The following NR2C1 variants were observed in gnomAD, a reference collection of about 807,000 sequenced individuals.
The protein encoded by NR2C1 is nuclear receptor subfamily 2 group C member 1.
NR2C1 carries 33 observed loss-of-function variants against 74.8 expected under a neutral mutation model. The observed-to-expected ratio is 0.44, with a 90% CI of 0.33 to 0.59. NR2C1 has a LOEUF of 0.59. Among genes scored for constraint, NR2C1 ranks in the 20% least tolerant of loss-of-function variants. The pLI is 0.02. For synonymous variants in NR2C1, 225 were observed against 240.6 expected (o/e 0.94, Z 0.60); for missense variants, 568 against 715.6 (o/e 0.79, Z 2.35).
intron 11 of NR2C1, among the ~76,000 whole-genome samples, chr12:95,029,069 G>C (rs528579529): frequency 6.6e-5 from 10 of 152,180 alleles, no homozygotes; most frequent in Middle Eastern, 3.4e-3. Flanking sequence ...TATAAAAATC[G>C]TAAGTAGAAA....
intron 1 of NR2C1, 59 bp from the exon 2 acceptor site, chr12:95,067,450 T>A (rs1460547646): frequency 1.6e-6 from 2 of 1,217,040 alleles, no homozygotes; most frequent in African/African-American, 3.0e-5. Context: ...TATTAAATAA[T>A]TTACAAATAA....
chr12:95,022,107 C>T lies in NR2C1; in HGVS notation c.*122G>A. Reference sequence around the variant, plus strand: ...CTTAAGGGAAGCTAAAATAAAAATACCTTGGATTCTGGTTACTTTTTAAAG... The same window carrying T: ...CTTAAGGGAAGCTAAAATAAAAATATCTTGGATTCTGGTTACTTTTTAAAG... On this transcript the variant is annotated 3_prime_UTR_variant, in exon 14 of 14. Coordinates refer to ENST00000333003, the MANE Select transcript of NR2C1 (RefSeq NM_003297.4). 1.4e-6 allele frequency: 1 copy of T among 694,042 alleles called. No homozygotes were observed. Among genetic ancestry groups the T allele is most frequent in the Middle Eastern group, 3.2e-4 (1 of 3,152 alleles). The allele number at this position is 694,042 out of a possible 1,614,324, so 43.0% of individuals were successfully genotyped here. A position where few individuals can be genotyped will look rare whatever the true frequency, so the allele number is the denominator to read the frequency against.
chr12:95,036,254 C>T (rs1340270834), intron 10 of NR2C1, among the ~76,000 whole-genome samples: 1 of 124,376 alleles, frequency 8.0e-6, no homozygotes, highest in African/African-American at 3.1e-5. Context: ...ATCTAAAAAG[C>T]AACACGAATG....
intron 5 of NR2C1, 27 bp downstream of exon 5, chr12:95,058,283 A>G: frequency 1.3e-6 from 2 of 1,566,510 alleles, no homozygotes; most frequent in African/African-American, 2.8e-5. Flanking sequence ...TTTAAAAAGT[A>G]TTTTCTCCTT....
chr12:95,058,093 A>G lies in NR2C1; in HGVS notation c.545-215T>C, dbSNP rs554668903. The G allele has an allele frequency of 4.5e-6, 3 of 664,956 alleles. No individual in the cohort carries two copies. The South Asian group carries it at 7.1e-5, about 16-fold the overall frequency. The allele number at this position is 664,956 out of a possible 1,614,324, so 41.2% of individuals were successfully genotyped here. A position where few individuals can be genotyped will look rare whatever the true frequency, so the allele number is the denominator to read the frequency against. Reference sequence around the variant, plus strand: ...ATTTGCATCTCTCATTCTTTTTGCCAAACACAAACTACAAATACGTGCTTT... The same window carrying G: ...ATTTGCATCTCTCATTCTTTTTGCCGAACACAAACTACAAATACGTGCTTT... On this transcript the variant is annotated intron_variant, in intron 5 of 13. Coordinates refer to ENST00000333003, the MANE Select transcript of NR2C1 (RefSeq NM_003297.4).
At chr12:95,066,350 A>G (rs1270145297) in intron 2 of NR2C1, among the ~76,000 whole-genome samples, 1 of 152,180 alleles carries the variant, frequency 6.6e-6, no homozygotes, top group Non-Finnish European at 1.5e-5. Flanking sequence ...AAATATATAA[A>G]ACATCAGCCA....
chr12:95,070,028 T>C (rs894226924), intron 1 of NR2C1, among the ~76,000 whole-genome samples: 5 of 152,244 alleles, frequency 3.3e-5, no homozygotes, highest in African/African-American at 1.2e-4. Context: ...CTGATAGCAG[T>C]GTCTGTTTTC....
intron 9 of NR2C1, among the ~76,000 whole-genome samples, chr12:95,044,025 T>A (rs1049859830): frequency 2.6e-5 from 4 of 152,186 alleles, no homozygotes; most frequent in African/African-American, 9.7e-5. Context: ...TCTTTGAGAC[T>A]GAAAAGACAA....
intron 7 of NR2C1, among the ~76,000 whole-genome samples, chr12:95,056,104 A>G (rs184083664): frequency 2.6e-5 from 4 of 152,092 alleles, no homozygotes; most frequent in African/African-American, 9.6e-5. Context: ...GGTCTCTACA[A>G]AAATAGGAAA....
intron 9 of NR2C1, among the ~76,000 whole-genome samples, chr12:95,047,760 A>G (rs888445838): frequency 2.6e-5 from 4 of 152,230 alleles, no homozygotes; most frequent in Non-Finnish European, 5.9e-5. Flanking sequence ...AAAATGGAAG[A>G]GTCAAAACAA....
chr12:95,047,663 A>C (rs1489784032), intron 9 of NR2C1, among the ~76,000 whole-genome samples: 1 of 152,258 alleles, frequency 6.6e-6, no homozygotes, highest in Non-Finnish European at 1.5e-5. Context: ...CAGGTATTCC[A>C]AGACTGCTAT....
chr12:95,042,361 C>A (rs1871659084), intron 9 of NR2C1, among the ~76,000 whole-genome samples: 1 of 151,856 alleles, frequency 6.6e-6, no homozygotes, highest in Non-Finnish European at 1.5e-5. Context: ...AGGCGTGTGC[C>A]ACCAGGCCCC....
At chr12:95,072,852 A>T (rs1249669413) in intron 1 of NR2C1, 1 of 152,270 alleles carries the variant, frequency 6.6e-6, no homozygotes, top group African/African-American at 2.4e-5. Flanking sequence ...GAGAAAAGTG[A>T]AAGTGGGGGG....
In NR2C1 at chr12:95,049,004, T is replaced by C. The variant is rs1872642980; in HGVS notation, c.1131+64A>G. On this transcript the variant is annotated intron_variant, in intron 9 of 13. Transcript: ENST00000333003. ...AAAAGCACAACAAACATACTTTGAT[T>C]TTTGAAAGGTAGATCAAAATCAAGC... 8 of 1,430,368 alleles carry C rather than the reference T, an allele frequency of 5.6e-6. No homozygotes were observed. The East Asian group carries it at 1.8e-4, about 33-fold the overall frequency. The allele number at this position is 1,430,368 out of a possible 1,614,324, so 88.6% of individuals were successfully genotyped here. A position where few individuals can be genotyped will look rare whatever the true frequency, so the allele number is the denominator to read the frequency against.
chr12:95,031,231 G>T, intron 11 of NR2C1, 118 bp downstream of exon 11: 1 of 797,260 alleles, frequency 1.3e-6, no homozygotes, highest in Non-Finnish European at 1.8e-6. Flanking sequence ...AGTAAGAAGA[G>T]CATTGGTACC....
chr12:95,052,442 T>C (rs1873154696), intron 7 of NR2C1, among the ~76,000 whole-genome samples: 2 of 152,140 alleles, frequency 1.3e-5, no homozygotes, highest in African/African-American at 2.4e-5. Flanking sequence ...GCGTGGGCCA[T>C]CGCGCCCGGC....
At position 95,020,401 on chromosome 12, in the gene NR2C1, C is replaced by T. The variant is rs910927648; in HGVS notation, c.*1828G>A. 1 of 152,068 alleles carries T rather than the reference C, an allele frequency of 6.6e-6. No homozygotes were observed. The highest frequency in any genetic ancestry group is 1.5e-5 in the Non-Finnish European group (1 of 67,988). The allele number at this position is 152,068 out of a possible 1,614,324, so 9.4% of individuals were successfully genotyped here. A position where few individuals can be genotyped will look rare whatever the true frequency, so the allele number is the denominator to read the frequency against. On this transcript the variant is annotated 3_prime_UTR_variant, in exon 14 of 14. Coordinates refer to ENST00000333003, the MANE Select transcript of NR2C1 (RefSeq NM_003297.4). ...AGTACATTATTTTAAAGGATTATTT[C>T]CCTGATTCCTTGGCTTACTAAACTG...
At chr12:95,055,869 C>A (rs370439270) in intron 7 of NR2C1, among the ~76,000 whole-genome samples, 1 of 143,514 alleles carries the variant, frequency 7.0e-6, no homozygotes. Flanking sequence ...AGGAGAATGG[C>A]GTGAACCCAG....
chr12:95,032,213 A>C (rs966222130), intron 10 of NR2C1, among the ~76,000 whole-genome samples: 4 of 152,218 alleles, frequency 2.6e-5, no homozygotes, highest in Admixed American at 1.3e-4. Flanking sequence ...TTAGGAGAAA[A>C]ATGGTTCATT....
Sources: gnomAD v4.1 joint callset for allele counts (sites outside exome capture counted in the v4.1 genomes callset) on GRCh38, gnomAD v4.1.1 for gene constraint, MANE v1.5 for transcripts, NCBI Gene and HGNC (gene_info 2026-07-23, HGNC 2026-07-21) for gene names.